Variants in KCND2 observed in about 807,000 individuals in gnomAD.
KCND2 encodes potassium voltage-gated channel subfamily D member 2.
A neutral mutation model predicts 54.4 loss-of-function variants in KCND2; 16 were observed. That is an observed-to-expected ratio of 0.29 (90% CI 0.20 to 0.45). The LOEUF (loss-of-function observed/expected upper bound fraction) is 0.45. KCND2 is among the 20% of genes least tolerant of loss of function. KCND2 has a pLI of 1.00. For missense variants in KCND2, 486 were observed against 824.2 expected (o/e 0.59, Z 5.02); for synonymous variants, 317 against 310.7 (o/e 1.02, Z -0.21).
chr7:120,452,905 C>T (rs111357971), intron 1 of KCND2, among the ~76,000 whole-genome samples: 180 of 152,262 alleles, frequency 1.2e-3, no homozygotes, highest in African/African-American at 3.9e-3. Flanking sequence ...ACCATCTGAG[C>T]ACCCTCTGTC....
intron 1 of KCND2, among the ~76,000 whole-genome samples, chr7:120,688,080 C>T (rs912348590): frequency 6.6e-6 from 1 of 152,110 alleles, no homozygotes; most frequent in East Asian, 1.9e-4. Context: ...GCTTTCTTAA[C>T]AGGTAAAGCT....
intron 1 of KCND2, among the ~76,000 whole-genome samples, chr7:120,331,622 T>A (rs1023977268): frequency 7.9e-5 from 12 of 152,114 alleles, no homozygotes; most frequent in African/African-American, 2.9e-4. Flanking sequence ...ATTGATTTTG[T>A]TTGTGTTAGT....
At chr7:120,444,801 G>A (rs991079173) in intron 1 of KCND2, among the ~76,000 whole-genome samples, 2 of 152,092 alleles carry the variant, frequency 1.3e-5, no homozygotes, top group African/African-American at 4.8e-5. Flanking sequence ...TTAATACTTT[G>A]AGGATGTTAA....
At chr7:120,335,091 G>A (rs981302706) in intron 1 of KCND2, among the ~76,000 whole-genome samples, 10 of 152,196 alleles carry the variant, frequency 6.6e-5, no homozygotes, top group South Asian at 6.2e-4. Flanking sequence ...CTGGCTGGGC[G>A]TGATGGCTCA....
At chr7:120,295,972 T>C (rs774447566) in intron 1 of KCND2, among the ~76,000 whole-genome samples, 24 of 152,022 alleles carry the variant, frequency 1.6e-4, no homozygotes, top group Non-Finnish European at 3.2e-4. Context: ...TCACAAACAA[T>C]TGGACTGGAG....
At chr7:120,434,523 C>T (rs1413608387) in intron 1 of KCND2, among the ~76,000 whole-genome samples, 1 of 152,210 alleles carries the variant, frequency 6.6e-6, no homozygotes, top group Non-Finnish European at 1.5e-5. Context: ...GAAAAGCCAA[C>T]TTCTTCTTTG....
rs1403674356 is a variant in KCND2 at position 120,274,942 on chromosome 7, C to T, written c.310C>T (p.Leu104Phe). ...CCTGAATTTCTACCGCACTGGGAAG[C>T]TCCACTATCCTCGCCACGAGTGCAT... ...HILNFYRTGK[L>F]HYPRHECISA... Residue 104 changes from leucine (L) to phenylalanine (F), a missense_variant, in exon 1 of 6, where the codon CTC (leucine) becomes TTC (phenylalanine). By Grantham distance (22) the Leu-to-Phe change is conservative (BLOSUM62 0). Coordinates refer to ENST00000331113, the MANE Select transcript of KCND2 (RefSeq NM_012281.3). The T allele has an allele frequency of 6.2e-7, 1 of 1,614,134 alleles. No homozygotes were observed. Among genetic ancestry groups the T allele is most frequent in the Non-Finnish European group, 8.5e-7 (1 of 1,180,040 alleles).
chr7:120,462,284 G>A (rs1374510865), intron 1 of KCND2, among the ~76,000 whole-genome samples: 2 of 151,436 alleles, frequency 1.3e-5, no homozygotes, highest in African/African-American at 4.8e-5. Flanking sequence ...GATATCTGAA[G>A]TTGAATCTTA....
chr7:120,650,833 A>G (rs1250396203), intron 1 of KCND2, among the ~76,000 whole-genome samples: 1 of 143,888 alleles, frequency 6.9e-6, no homozygotes, highest in Non-Finnish European at 1.5e-5. Flanking sequence ...TCCTTCTAAC[A>G]GTCAGGACCC....
At chr7:120,699,130 A>C (rs541818893) in intron 1 of KCND2, among the ~76,000 whole-genome samples, 1 of 152,062 alleles carries the variant, frequency 6.6e-6, no homozygotes, top group African/African-American at 2.4e-5. Context: ...AAATACAAAA[A>C]AATTAGCCGG....
intron 1 of KCND2, among the ~76,000 whole-genome samples, chr7:120,459,271 C>T (rs1254239564): frequency 6.6e-6 from 1 of 152,128 alleles, no homozygotes; most frequent in Non-Finnish European, 1.5e-5. Context: ...CCTTACTGCG[C>T]TTGTTCTTGG....
intron 1 of KCND2, among the ~76,000 whole-genome samples, chr7:120,285,644 T>A (rs78376129): frequency 1.3e-5 from 2 of 151,980 alleles, no homozygotes; most frequent in Non-Finnish European, 2.9e-5. Flanking sequence ...ATTTTTTTAA[T>A]GTTTGCAATA....
intron 1 of KCND2, among the ~76,000 whole-genome samples, chr7:120,642,529 G>C (rs1172327438): frequency 2.7e-5 from 4 of 150,800 alleles, no homozygotes; most frequent in African/African-American, 4.9e-5. Flanking sequence ...ACTCCAGCCT[G>C]GGTGACAGAT....
chr7:120,707,723 A>AG (rs1323638844), intron 1 of KCND2, among the ~76,000 whole-genome samples: 1 of 151,994 alleles, frequency 6.6e-6, no homozygotes, highest in African/African-American at 2.4e-5. Flanking sequence ...GATGCTGTTG[A>AG]GGGATGACAA....
intron 1 of KCND2, among the ~76,000 whole-genome samples, chr7:120,486,426 C>G (rs1367849387): frequency 6.6e-6 from 1 of 151,918 alleles, no homozygotes; most frequent in African/African-American, 2.4e-5. Flanking sequence ...CTACCAAATT[C>G]CTGTGAGGGT....
At chr7:120,312,357 T>G (rs917119636) in intron 1 of KCND2, among the ~76,000 whole-genome samples, 1 of 151,978 alleles carries the variant, frequency 6.6e-6, no homozygotes, top group Non-Finnish European at 1.5e-5. Flanking sequence ...TGCACATACA[T>G]GTGTTTTTAT....
intron 1 of KCND2, among the ~76,000 whole-genome samples, chr7:120,622,515 T>G (rs1001980948): frequency 6.6e-6 from 1 of 151,916 alleles, no homozygotes; most frequent in Non-Finnish European, 1.5e-5. Context: ...TCATAATTTC[T>G]GTTAATAAGT....
At chr7:120,646,982 C>G (rs1438737699) in intron 1 of KCND2, among the ~76,000 whole-genome samples, 1 of 152,158 alleles carries the variant, frequency 6.6e-6, no homozygotes, top group Non-Finnish European at 1.5e-5. Flanking sequence ...GAGTAGTGAG[C>G]AATTTCGCCT....
At chr7:120,300,751 A>C (rs1281000990) in intron 1 of KCND2, among the ~76,000 whole-genome samples, 1 of 152,072 alleles carries the variant, frequency 6.6e-6, no homozygotes, top group African/African-American at 2.4e-5. Context: ...ATCTTCCCTA[A>C]GATTCTGATT....
Sources: gnomAD v4.1 joint callset for allele counts (sites outside exome capture counted in the v4.1 genomes callset) on GRCh38, gnomAD v4.1.1 for gene constraint, MANE v1.5 for transcripts, NCBI Gene and HGNC (gene_info 2026-07-23, HGNC 2026-07-21) for gene names.